FGD4: variants seen among roughly 807,000 people sequenced by gnomAD.
The protein encoded by FGD4 is FYVE, RhoGEF and PH domain containing 4, also known as FYVE, RhoGEF and PH domain-containing protein 4.
Under a neutral mutation model 102.0 loss-of-function variants are expected in FGD4, and 42 were observed. That is an observed-to-expected ratio of 0.41 (90% CI 0.32 to 0.53). The LOEUF (loss-of-function observed/expected upper bound fraction) is 0.53, where lower values mean the gene tolerates loss of function less well. Among genes scored for constraint, FGD4 ranks in the 20% least tolerant of loss-of-function variants. The probability of loss-of-function intolerance (pLI) is 0.21; values close to 1 mark genes in which losing one functional copy is unlikely to be tolerated. For missense variants in FGD4, 902 were observed against 1,078.2 expected (o/e 0.84, Z 2.29); for synonymous variants, 380 against 375.7 (o/e 1.01, Z -0.13).
intron 15 of FGD4, among the ~76,000 whole-genome samples, chr12:32,637,089 G>C (rs1349375540): frequency 7.4e-6 from 1 of 135,658 alleles, no homozygotes; most frequent in East Asian, 2.2e-4. Context: ...GGGTTTCACT[G>C]TGTTGGCCAG....
At position 32,564,037 on chromosome 12, in the gene FGD4, G is replaced by A. The variant is rs1390303819; in HGVS notation, c.167-100G>A. 41 of 1,104,484 alleles carry A rather than the reference G, an allele frequency of 3.7e-5. No individual in the cohort carries two copies. In the Admixed American group the frequency reaches 4.5e-4, roughly 12 times the overall value. The allele number at this position is 1,104,484 out of a possible 1,614,324, so 68.4% of individuals were successfully genotyped here. ...AAGGGGAGAGGGAGAGGGAGGGGGAGGGGGAGGGAGAGGGAGTGGGAGAGG... is the reference window on the plus strand; with the variant it reads ...AAGGGGAGAGGGAGAGGGAGGGGGAAGGGGAGGGAGAGGGAGTGGGAGAGG... On this transcript the variant is annotated intron_variant, in intron 1 of 16. Transcript: ENST00000534526.
At chr12:32,414,143 T>C (rs1010249039) in intron 1 of FGD4, among the ~76,000 whole-genome samples, 1 of 152,048 alleles carries the variant, frequency 6.6e-6, no homozygotes, top group Non-Finnish European at 1.5e-5. Context: ...AGCTAATTTT[T>C]ATATTTTTAG....
intron 1 of FGD4, among the ~76,000 whole-genome samples, chr12:32,533,962 A>G (rs749295193): frequency 2.0e-5 from 3 of 152,258 alleles, no homozygotes; most frequent in Non-Finnish European, 2.9e-5. Context: ...GAGGTCATTC[A>G]AAATGAGATT....
At chr12:32,571,454 C>CAA (rs567887606) in intron 2 of FGD4, among the ~76,000 whole-genome samples, 4 of 118,114 alleles carry the variant, frequency 3.4e-5, no homozygotes, top group Non-Finnish European at 5.4e-5. Context: ...GATTCTGTCT[C>CAA]AAAAAAAAAA....
At chr12:32,619,551 G>C (rs991733786) in intron 10 of FGD4, 147 bp from the exon 11 acceptor site, 21 of 835,364 alleles carry the variant, frequency 2.5e-5, no homozygotes, top group Non-Finnish European at 3.4e-5. Flanking sequence ...AGAATGGCGT[G>C]AACCCGGGAG....
At chr12:32,490,571 G>A (rs1944053278) in intron 1 of FGD4, among the ~76,000 whole-genome samples, 1 of 151,896 alleles carries the variant, frequency 6.6e-6, no homozygotes. Flanking sequence ...GCTAATTTTT[G>A]TATTTTTAGC....
intron 1 of FGD4, among the ~76,000 whole-genome samples, chr12:32,550,934 G>T (rs1030195691): frequency 3.3e-5 from 5 of 152,072 alleles, no homozygotes; most frequent in African/African-American, 7.2e-5. Flanking sequence ...GCTGCGTATC[G>T]GTTGTTAGGC....
chr12:32,452,656 G>A (rs1304581517), intron 1 of FGD4, among the ~76,000 whole-genome samples: 2 of 152,256 alleles, frequency 1.3e-5, no homozygotes, highest in Middle Eastern at 3.4e-3. Context: ...GTTGTCCTTT[G>A]AACCCTATGA....
intron 1 of FGD4, among the ~76,000 whole-genome samples, chr12:32,557,284 A>C (rs1819184609): frequency 6.6e-6 from 1 of 152,240 alleles, no homozygotes; most frequent in South Asian, 2.1e-4. Context: ...AACAGACCAA[A>C]ATATGAAAAT....
rs113828970 is a variant in FGD4, at chr12:32,419,919, G to C, written c.166+19960G>C. ...TCTCCCAAAAGCACAAAATCTGCAC[G>C]TGTGGCCACTGCTGGGAGAAGGGGG... is the stretch of plus-strand genomic sequence containing the variant. On this transcript the variant is annotated intron_variant, in intron 1 of 16. Coordinates refer to ENST00000534526, the MANE Select transcript of FGD4 (RefSeq NM_001370298.3). 8.8e-3 allele frequency among the ~76,000 whole-genome samples: 1,334 copies of C among 151,512 alleles called. 15 individuals are homozygous for C. Among genetic ancestry groups the C allele is most frequent in the Non-Finnish European group, 0.011 (730 of 67,834 alleles).
At chr12:32,449,446 C>T (rs1942709044) in intron 1 of FGD4, among the ~76,000 whole-genome samples, 1 of 152,148 alleles carries the variant, frequency 6.6e-6, no homozygotes, top group Non-Finnish European at 1.5e-5. Flanking sequence ...TTTTATGACC[C>T]AGAGGTGAAA....
At chr12:32,417,659 T>C (rs2068275965) in intron 1 of FGD4, among the ~76,000 whole-genome samples, 1 of 151,970 alleles carries the variant, frequency 6.6e-6, no homozygotes, top group Non-Finnish European at 1.5e-5. Context: ...GATTTCCTCA[T>C]GTTGACCAGG....
chr12:32,482,770 C>T (rs570353005), intron 1 of FGD4, among the ~76,000 whole-genome samples: 33 of 152,278 alleles, frequency 2.2e-4, no homozygotes, highest in African/African-American at 7.0e-4. Flanking sequence ...ATTTTTATTT[C>T]ATCCCACGTT....
At chr12:32,557,574 A>G (rs185515280) in intron 1 of FGD4, among the ~76,000 whole-genome samples, 27 of 152,330 alleles carry the variant, frequency 1.8e-4, no homozygotes, top group African/African-American at 6.0e-4. Context: ...CTAGAAGTGC[A>G]TGCAGTTCCT....
chr12:32,613,907 A>T (rs1270387050), intron 10 of FGD4, among the ~76,000 whole-genome samples: 2 of 152,248 alleles, frequency 1.3e-5, no homozygotes, highest in African/African-American at 2.4e-5. Context: ...AAAATCATTG[A>T]CACTTCATGA....
chr12:32,518,420 G>T (rs1451006780), intron 1 of FGD4, among the ~76,000 whole-genome samples: 1 of 152,156 alleles, frequency 6.6e-6, no homozygotes, highest in Non-Finnish European at 1.5e-5. Context: ...GGAGGTTGTG[G>T]TGAGCCAACA....
At chr12:32,572,126 TAAAATA>T (rs985240375) in intron 2 of FGD4, among the ~76,000 whole-genome samples, 3 of 152,058 alleles carry the variant, frequency 2.0e-5, no homozygotes, top group African/African-American at 7.2e-5. Context: ...GCATAAAAGA[TAAAATA>T]GAAAAGAAAA....
intron 1 of FGD4, among the ~76,000 whole-genome samples, chr12:32,429,450 A>C (rs1941970989): frequency 6.6e-6 from 1 of 152,162 alleles, no homozygotes; most frequent in Non-Finnish European, 1.5e-5. Flanking sequence ...TCTCCTGTAC[A>C]AGGTGTCTGT....
At chr12:32,413,396 G>A (rs568326270) in intron 1 of FGD4, among the ~76,000 whole-genome samples, 5 of 152,284 alleles carry the variant, frequency 3.3e-5, no homozygotes, top group South Asian at 2.1e-4. Context: ...AAATTATGCC[G>A]TCATATTAAT....
Sources: gnomAD v4.1 joint callset for allele counts (sites outside exome capture counted in the v4.1 genomes callset) on GRCh38, gnomAD v4.1.1 for gene constraint, MANE v1.5 for transcripts, NCBI Gene and HGNC (gene_info 2026-07-23, HGNC 2026-07-21) for gene names.